Variants in CNNM4 observed in about 807,000 individuals in gnomAD.
The protein encoded by CNNM4 is cyclin and CBS domain divalent metal cation transport mediator 4.
A neutral mutation model predicts 53.7 loss-of-function variants in CNNM4; 32 were observed. That is an observed-to-expected ratio of 0.60 (90% CI 0.45 to 0.80). The LOEUF is 0.80. Among genes scored for constraint, CNNM4 ranks in the 30% least tolerant of loss-of-function variants. The probability of loss-of-function intolerance (pLI) is 0.00; values close to 1 mark genes in which losing one functional copy is unlikely to be tolerated. For synonymous variants in CNNM4, 410 were observed against 440.0 expected (o/e 0.93, Z 0.85); for missense variants, 784 against 1,022.0 (o/e 0.77, Z 3.17).
At position 96,797,497 on chromosome 2, in the gene CNNM4, G is replaced by A. The variant is rs145616864; in HGVS notation, c.1547-16G>A. On this transcript the variant is annotated splice_polypyrimidine_tract_variant and intron_variant, in intron 2 of 6. Transcript: ENST00000377075. The surrounding 1 kb of genome is among the most constrained non-coding windows in gnomAD (Gnocchi z 6.0). The stretch of plus-strand genomic sequence containing the variant: ...CAGGGGTCTGTGTTCTCAATTCCAC[G>A]CTCTTCTTCCGGCAGCTGACAACCG... The A allele has an allele frequency of 8.0e-4, 1,287 of 1,613,522 alleles. 3 individuals are homozygous for A. The Middle Eastern group carries it at 9.7e-3, about 12-fold the overall frequency.
At chr2:96,762,972 G>A (rs1007472295) in intron 1 of CNNM4, among the ~76,000 whole-genome samples, 5 of 152,090 alleles carry the variant, frequency 3.3e-5, no homozygotes, top group Non-Finnish European at 1.5e-5. Flanking sequence ...TTTGGGGCCC[G>A]GTGGTGGACG....
intron 1 of CNNM4, among the ~76,000 whole-genome samples, chr2:96,782,888 C>G (rs2078986643): frequency 6.6e-6 from 1 of 152,036 alleles, no homozygotes; most frequent in Non-Finnish European, 1.5e-5. Context: ...TCTTTAGGAT[C>G]AACATGGGAC....
In CNNM4 at chr2:96,760,905, T is replaced by G; in HGVS notation, c.-95T>G. 1.5e-6 allele frequency: 1 copy of G among 672,470 alleles called. No individual in the cohort carries two copies. Among genetic ancestry groups the G allele is most frequent in the Non-Finnish European group, 1.8e-6 (1 of 544,014 alleles). 41.7% of individuals were successfully genotyped at this position (672,470 alleles called of 1,614,324 possible). A position where few individuals can be genotyped will look rare whatever the true frequency, so the allele number is the denominator to read the frequency against. ...ACGTCAGGCTCGCGGCCCGGGCAGT[T>G]GGCTCGGCGGCAGCGGAGCGGCCGG... On this transcript the variant is annotated 5_prime_UTR_variant, in exon 1 of 7. Coordinates refer to ENST00000377075, the MANE Select transcript of CNNM4 (RefSeq NM_020184.4).
At chr2:96,806,506 A>AACAC (rs151020163) in intron 5 of CNNM4, among the ~76,000 whole-genome samples, 4,825 of 135,306 alleles carry the variant, frequency 0.036, 219 homozygotes, top group African/African-American at 0.11. Flanking sequence ...CTAGCTATCC[A>AACAC]ACACACACAC....
chr2:96,784,668 C>T (rs755934561), intron 1 of CNNM4, among the ~76,000 whole-genome samples: 1 of 152,198 alleles, frequency 6.6e-6, no homozygotes, highest in Non-Finnish European at 1.5e-5. Flanking sequence ...TAGCAGAAGT[C>T]CCATTTCTGT....
At chr2:96,799,263 C>G in intron 4 of CNNM4, 37 bp downstream of exon 4, 2 of 1,612,614 alleles carry the variant, frequency 1.2e-6, no homozygotes, top group South Asian at 1.1e-5. Context: ...CACCTGCTCC[C>G]CCTGGCACTG....
intron 1 of CNNM4, among the ~76,000 whole-genome samples, chr2:96,777,023 T>TC (rs1440136935): frequency 1.3e-5 from 2 of 151,248 alleles, no homozygotes; most frequent in South Asian, 2.1e-4. Flanking sequence ...ACTGTTTTCT[T>TC]TTTTTTTTGT....
Position 96,800,941 on chromosome 2 carries a change from G to A in CNNM4, c.1948+1293G>A. The A allele has an allele frequency of 5.0e-6, 1 of 200,018 alleles. No homozygotes were observed. The highest frequency in any genetic ancestry group is 8.9e-6 in the Non-Finnish European group (1 of 111,896). The allele number at this position is 200,018 out of a possible 1,614,324, so 12.4% of individuals were successfully genotyped here. On this transcript the variant is annotated intron_variant, in intron 5 of 6. Transcript: ENST00000377075. This position sits in a 1 kb window ranked among gnomAD's most constrained non-coding sequence, Gnocchi z 4.6. The stretch of plus-strand genomic sequence containing the variant: ...TGAGCACCCTTCCCAGCAGAGCCAT[G>A]TCCCTTTCTCCACTGGGCCCATCTC...
chr2:96,791,267 C>T lies in CNNM4; in HGVS notation c.1403-5745C>T, dbSNP rs563383762. 1.4e-4 allele frequency among the ~76,000 whole-genome samples: 22 copies of T among 152,198 alleles called. 1 individual carries two copies. The South Asian group carries it at 4.6e-3, about 32-fold the overall frequency. ...TCAGGTGTAAGCCACAGCGCCCAGC[C>T]CGTAAAATTGTATTTTAATGAGCTA... On this transcript the variant is annotated intron_variant, in intron 1 of 6. Coordinates refer to ENST00000377075, the MANE Select transcript of CNNM4 (RefSeq NM_020184.4).
rs139009799 is a variant in CNNM4 at position 96,768,054 on chromosome 2, C to T, written c.1402+5653C>T. Reference sequence around the variant, plus strand: ...CTCCAGCCTGGGCGATAGAGCAAGACTCTGTCTCAAAAAACAAAACAAAAC... The same window carrying T: ...CTCCAGCCTGGGCGATAGAGCAAGATTCTGTCTCAAAAAACAAAACAAAAC... On this transcript the variant is annotated intron_variant, in intron 1 of 6. Coordinates refer to ENST00000377075, the MANE Select transcript of CNNM4 (RefSeq NM_020184.4). Among the ~76,000 whole-genome samples the T allele has an allele frequency of 9.6e-4, 147 of 152,332 alleles. 3 individuals are homozygous for T. The East Asian group carries it at 0.023, about 23-fold the overall frequency.
chr2:96,781,624 A>G (rs1392564213), intron 1 of CNNM4, among the ~76,000 whole-genome samples: 2 of 152,188 alleles, frequency 1.3e-5, no homozygotes, highest in Non-Finnish European at 2.9e-5. Flanking sequence ...AGATATGTTA[A>G]TGTATTCACC....
At chr2:96,784,473 A>T (rs1449339507) in intron 1 of CNNM4, among the ~76,000 whole-genome samples, 1 of 152,164 alleles carries the variant, frequency 6.6e-6, no homozygotes, top group African/African-American at 2.4e-5. Flanking sequence ...TATTATCTCT[A>T]CTTTTGTAGA....
intron 1 of CNNM4, among the ~76,000 whole-genome samples, chr2:96,784,511 TA>T (rs2079000466): frequency 6.6e-6 from 1 of 152,162 alleles, no homozygotes; most frequent in Non-Finnish European, 1.5e-5. Context: ...AGTAAAAGCT[TA>T]AAAATCTAGA....
rs1320684566 is a variant in CNNM4, at chr2:96,761,282, G to C, written c.283G>C (p.Glu95Gln). The change falls in exon 1 of 7, where the codon GAG becomes CAG. Residue 95 changes from glutamate to glutamine, a missense_variant. Physicochemically the swap from Glu to Gln is conservative, Grantham distance 29 (BLOSUM62 2). Transcript: ENST00000377075. This position sits in a 1 kb window ranked among gnomAD's most constrained non-coding sequence, Gnocchi z 6.0. ...NISSNLISFT[E>Q]VDDAETLHKS... ...CTCCAGCAACCTGATCTCCTTCACCGAGGTGGACGATGCCGAGACCCTCCA... is the reference window on the plus strand; with the variant it reads ...CTCCAGCAACCTGATCTCCTTCACCCAGGTGGACGATGCCGAGACCCTCCA... The C allele has an allele frequency of 6.2e-7, 1 of 1,613,814 alleles. No homozygotes were observed. The highest frequency in any genetic ancestry group is 8.5e-7 in the Non-Finnish European group (1 of 1,180,006).
chr2:96,763,087 C>A (rs554233559), intron 1 of CNNM4, among the ~76,000 whole-genome samples: 3 of 152,178 alleles, frequency 2.0e-5, no homozygotes, highest in African/African-American at 7.2e-5. Flanking sequence ...CTAATTGGCT[C>A]GCTTCTCAGA....
intron 1 of CNNM4, among the ~76,000 whole-genome samples, chr2:96,765,078 C>CAAGTGAGCAAA (rs1316495487): frequency 1.1e-5 from 1 of 91,788 alleles, no homozygotes; most frequent in Non-Finnish European, 1.9e-5. Context: ...CTAAGAGAAA[C>CAAGTGAGCAAA]AAGTGAGCAA....
At chr2:96,769,214 G>A (rs1341581273) in intron 1 of CNNM4, among the ~76,000 whole-genome samples, 1 of 151,700 alleles carries the variant, frequency 6.6e-6, no homozygotes, top group Non-Finnish European at 1.5e-5. Context: ...TCGCGCCACT[G>A]CACTCCAGCC....
intron 5 of CNNM4, among the ~76,000 whole-genome samples, chr2:96,806,866 C>T (rs1005196404): frequency 1.2e-4 from 19 of 152,078 alleles, no homozygotes; most frequent in African/African-American, 4.1e-4. Flanking sequence ...AACTCTTATT[C>T]GAGATTCGAG....
chr2:96,803,630 G>A (rs1173484907), intron 5 of CNNM4, among the ~76,000 whole-genome samples: 1 of 151,954 alleles, frequency 6.6e-6, no homozygotes, highest in Admixed American at 6.6e-5. Flanking sequence ...GGAGGCTGAG[G>A]CAAGAGAATC....
Sources: allele counts gnomAD v4.1 joint callset (sites outside exome capture counted in the v4.1 genomes callset), GRCh38; gene constraint gnomAD v4.1.1; non-coding constraint Gnocchi (gnomAD v3.1); transcripts MANE v1.5; gene names NCBI Gene and HGNC (gene_info 2026-07-23, HGNC 2026-07-21).